SCAI: variants seen among roughly 807,000 people sequenced by gnomAD.
SCAI encodes suppressor of cancer cell invasion, also known as protein SCAI.
Under a neutral mutation model 92.2 loss-of-function variants are expected in SCAI, and 24 were observed. That is an observed-to-expected ratio of 0.26 (90% CI 0.19 to 0.37). SCAI has a LOEUF of 0.37. Ranked by LOEUF, SCAI falls within the 10% of genes least tolerant of loss-of-function variation. The pLI, the probability that SCAI is intolerant of heterozygous loss-of-function variation, is 1.00. For synonymous variants in SCAI, 261 were observed against 258.6 expected, an observed-to-expected ratio of 1.01 and a Z score of -0.09; for missense variants, 450 against 736.2, an observed-to-expected ratio of 0.61 and a Z score of 4.50.
rs995597558 is a variant in SCAI at position 124,949,995 on chromosome 9, G to C, written c.*2812C>G. ...TAAGGAATTACACTATTAGCTTAAG[G>C]GGCAACATCATAAGGGTCAATGTTG... is the stretch of plus-strand genomic sequence containing the variant. On this transcript the variant is annotated 3_prime_UTR_variant, in exon 18 of 18. Transcript: ENST00000336505. The surrounding 1 kb of genome is among the most constrained non-coding windows in gnomAD (Gnocchi z 4.0). The C allele has an allele frequency of 2.0e-5, 3 of 152,058 alleles. No individual in the cohort carries two copies. Among genetic ancestry groups the C allele is most frequent in the Non-Finnish European group, 2.9e-5 (2 of 68,018 alleles). 9.4% of individuals were successfully genotyped at this position (152,058 alleles called of 1,614,324 possible).
intron 16 of SCAI, 91 bp downstream of exon 16, chr9:124,971,580 A>G (rs1831658942): frequency 7.2e-7 from 1 of 1,398,372 alleles, no homozygotes; most frequent in Non-Finnish European, 9.8e-7. Context: ...TGGGACACAT[A>G]CCTTTAAAAA....
intron 3 of SCAI, among the ~76,000 whole-genome samples, chr9:125,039,781 A>C (rs1588170434): frequency 6.6e-6 from 1 of 152,268 alleles, no homozygotes; most frequent in East Asian, 1.9e-4. Flanking sequence ...GCATTTTTCA[A>C]GTATTTGAAT....
chr9:124,965,954 G>A (rs2131583191), intron 17 of SCAI, among the ~76,000 whole-genome samples: 1 of 152,302 alleles, frequency 6.6e-6, no homozygotes, highest in South Asian at 2.1e-4. Flanking sequence ...GAGACAAACT[G>A]CTCACGGAAA....
At chr9:125,095,763 G>C (rs1354026423) in intron 2 of SCAI, among the ~76,000 whole-genome samples, 2 of 152,156 alleles carry the variant, frequency 1.3e-5, no homozygotes, top group African/African-American at 4.8e-5. Context: ...GGACCACGTG[G>C]ATGTGGGCAA....
chr9:124,968,900 C>T, intron 17 of SCAI: 1 of 464,574 alleles, frequency 2.2e-6, no homozygotes, highest in Non-Finnish European at 3.8e-6. Context: ...CATCTGTTTT[C>T]CAAACTGTAG....
At position 125,125,909 on chromosome 9, in the gene SCAI, TACACACACACACAC is replaced by T. The variant is rs10554292; in HGVS notation, c.98+16710_98+16723del. Among the ~76,000 whole-genome samples the T allele has an allele frequency of 1.5e-3, 206 of 137,992 alleles. 1 individual carries two copies. The highest frequency in any genetic ancestry group is 4.8e-3 in the African/African-American group (176 of 36,778). 90.5% of individuals were successfully genotyped at this position (137,992 alleles called of 152,430 possible). A position where few individuals can be genotyped will look rare whatever the true frequency, so the allele number is the denominator to read the frequency against. Reference sequence around the variant, plus strand: ...TCTCTCATGCATGCGTGCGTACACGTACACACACACACACACACACACACACACACACACACACA... The same window carrying T: ...TCTCTCATGCATGCGTGCGTACACGTACACACACACACACACACACACACA... On this transcript the variant is annotated intron_variant, in intron 2 of 17. Transcript: ENST00000336505.
intron 2 of SCAI, among the ~76,000 whole-genome samples, chr9:125,135,879 G>A (rs1835510508): frequency 6.7e-6 from 1 of 149,948 alleles, no homozygotes; most frequent in African/African-American, 2.5e-5. Flanking sequence ...TGAGGCAGGA[G>A]GATCACTTGA....
chr9:125,033,851 A>G (rs1339563225), intron 3 of SCAI, among the ~76,000 whole-genome samples: 1 of 152,240 alleles, frequency 6.6e-6, no homozygotes, highest in Non-Finnish European at 1.5e-5. Flanking sequence ...CAGAAATAAA[A>G]AGAGAGGGAG....
In SCAI at chr9:125,055,960, T is replaced by C. The variant is rs938947028; in HGVS notation, c.146A>G (p.Asp49Gly). ...KEIMSSGGAE[D>G]DIPQGERKTV... Reference sequence around the variant, plus strand: ...TTTCCTCTCTCCCTGTGGGATATCATCTTCAGCACCTCCAGAGGACATGAT... The same window carrying C: ...TTTCCTCTCTCCCTGTGGGATATCACCTTCAGCACCTCCAGAGGACATGAT... Residue 49 changes from aspartate to glycine, a missense_variant, in exon 3 of 18, where the codon GAT becomes GGT. Asp to Gly is a moderately conservative substitution (Grantham distance 94). This residue lies in a region of SCAI where 70 missense variants were observed against 66.3 expected (regional missense o/e 1.06). Coordinates refer to ENST00000336505, the MANE Select transcript of SCAI (RefSeq NM_001144877.3). The C allele has an allele frequency of 6.2e-7, 1 of 1,611,638 alleles. No homozygotes were observed. The highest frequency in any genetic ancestry group is 8.5e-7 in the Non-Finnish European group (1 of 1,177,898).
intron 13 of SCAI, 142 bp from the exon 14 acceptor site, chr9:124,995,157 A>G: frequency 1.7e-6 from 1 of 591,860 alleles, no homozygotes; most frequent in Non-Finnish European, 3.0e-6. Flanking sequence ...GGGGAAAAAA[A>G]GCCTGTATTT....
chr9:125,115,265 G>A (rs985193798), intron 2 of SCAI, among the ~76,000 whole-genome samples: 1 of 151,490 alleles, frequency 6.6e-6, no homozygotes, highest in Non-Finnish European at 1.5e-5. Flanking sequence ...CCAGCTACTC[G>A]GGAGGCTGAG....
chr9:125,122,932 T>A (rs148738676), intron 2 of SCAI, among the ~76,000 whole-genome samples: 73 of 152,324 alleles, frequency 4.8e-4, no homozygotes, highest in African/African-American at 1.7e-3. Flanking sequence ...AGTAAAATTT[T>A]AAAAACCTGT....
At chr9:125,015,020 C>G (rs1302385558) in intron 9 of SCAI, among the ~76,000 whole-genome samples, 1 of 152,070 alleles carries the variant, frequency 6.6e-6, no homozygotes, top group African/African-American at 2.4e-5. Context: ...ACACCTTATA[C>G]AAAAATTAAT....
At chr9:125,014,784 C>G (rs1024529060) in intron 9 of SCAI, among the ~76,000 whole-genome samples, 10 of 152,196 alleles carry the variant, frequency 6.6e-5, no homozygotes, top group African/African-American at 2.2e-4. Flanking sequence ...TCAAACTATA[C>G]TACAAGGCTA....
intron 17 of SCAI, among the ~76,000 whole-genome samples, chr9:124,969,891 T>C (rs1418994710): frequency 6.6e-6 from 1 of 152,186 alleles, no homozygotes; most frequent in Non-Finnish European, 1.5e-5. Flanking sequence ...TATTGCTCTG[T>C]TGCACAGGCT....
chr9:125,074,844 A>C (rs961231974), intron 2 of SCAI, among the ~76,000 whole-genome samples: 24 of 152,062 alleles, frequency 1.6e-4, no homozygotes, highest in African/African-American at 5.8e-4. Flanking sequence ...GTTCCTACTA[A>C]AAATACAAAA....
chr9:125,073,092 A>AGTTTTTTTT (rs1834009889), intron 2 of SCAI, among the ~76,000 whole-genome samples: 1 of 72,448 alleles, frequency 1.4e-5, no homozygotes, highest in Non-Finnish European at 2.7e-5. Context: ...TCTATTTTTA[A>AGTTTTTTTT]TTTTTTTTTT....
chr9:125,096,984 A>AT (rs766423835), intron 2 of SCAI, among the ~76,000 whole-genome samples: 5 of 152,134 alleles, frequency 3.3e-5, no homozygotes, highest in African/African-American at 4.8e-5. Flanking sequence ...TATCAAACAC[A>AT]TTTTTTTTGA....
In SCAI at chr9:125,113,663, A is replaced by ATTT. The variant is rs36106766; in HGVS notation, c.98+28967_98+28969dup. 9.6e-4 allele frequency among the ~76,000 whole-genome samples: 130 copies of ATTT among 135,278 alleles called. 5 individuals are homozygous for ATTT. Among genetic ancestry groups the ATTT allele is most frequent in the Non-Finnish European group, 1.4e-3 (90 of 63,872 alleles). 88.7% of individuals were successfully genotyped at this position (135,278 alleles called of 152,430 possible). A position where few individuals can be genotyped will look rare whatever the true frequency, so the allele number is the denominator to read the frequency against. ...AGTGGAAAATCCAGAAAGTATAAAG[A>ATTT]TTTTTTTTTTTTTTTTTGGCTGGGC... On this transcript the variant is annotated intron_variant, in intron 2 of 17. Coordinates refer to ENST00000336505, the MANE Select transcript of SCAI (RefSeq NM_001144877.3).
Sources: gnomAD v4.1 joint callset for allele counts (sites outside exome capture counted in the v4.1 genomes callset) on GRCh38, gnomAD v4.1.1 for gene constraint, gnomAD v4.1.1 regional missense constraint, Gnocchi (gnomAD v3.1) non-coding constraint, MANE v1.5 for transcripts, NCBI Gene and HGNC (gene_info 2026-07-23, HGNC 2026-07-21) for gene names.